The following KIF16B variants were observed in gnomAD, a reference collection of about 807,000 sequenced individuals.
KIF16B encodes the protein kinesin family member 16B, also known as kinesin-like protein KIF16B.
Under a neutral mutation model 156.3 loss-of-function variants are expected in KIF16B, and 98 were observed. The observed-to-expected ratio is 0.63, with a 90% CI of 0.53 to 0.74. The LOEUF is 0.74. Among genes scored for constraint, KIF16B ranks in the 30% least tolerant of loss-of-function variants. KIF16B has a pLI of 0.00. For synonymous variants in KIF16B, 564 were observed against 583.7 expected (o/e 0.97, Z 0.49); for missense variants, 1,421 against 1,606.5 (o/e 0.88, Z 1.97).
At chr20:16,500,799 T>G (rs1383425230) in intron 10 of KIF16B, among the ~76,000 whole-genome samples, 3 of 152,202 alleles carry the variant, frequency 2.0e-5, no homozygotes, top group Admixed American at 6.5e-5. Flanking sequence ...AGTTTACACA[T>G]GATACTTTTA....
intron 25 of KIF16B, among the ~76,000 whole-genome samples, chr20:16,294,015 G>A (rs994790946): frequency 6.6e-6 from 1 of 151,350 alleles, no homozygotes; most frequent in African/African-American, 2.4e-5. Flanking sequence ...ATATAGGAAT[G>A]CAATTTTAGT....
chr20:16,488,669 G>A (rs1041448682), intron 12 of KIF16B, among the ~76,000 whole-genome samples: 1 of 152,214 alleles, frequency 6.6e-6, no homozygotes, highest in African/African-American at 2.4e-5. Context: ...CAGGCAGTCA[G>A]CACAATATTG....
intron 17 of KIF16B, among the ~76,000 whole-genome samples, chr20:16,401,988 C>A (rs917968515): frequency 6.6e-6 from 1 of 152,158 alleles, no homozygotes; most frequent in Admixed American, 6.5e-5. Context: ...AAAAAACAGT[C>A]AAACCCCTTC....
Position 16,379,077 on chromosome 20 carries a change from G to A in KIF16B, c.2925C>T (p.Phe975=). The change falls in exon 19 of 26, where the codon TTC becomes TTT. Residue 975 remains phenylalanine (F), a synonymous_variant. Transcript: ENST00000354981. ...QLQKLQATFE[F]TANIARQEEK... ...CCTCCTGACGTGCAATGTTGGCAGT[G>A]AATTCAAAGGTGGCTTGGAGCTTTT... is the stretch of plus-strand genomic sequence containing the variant. 1 of 1,611,612 alleles carries A rather than the reference G, an allele frequency of 6.2e-7. No homozygotes were observed. The highest frequency in any genetic ancestry group is 8.5e-7 in the Non-Finnish European group (1 of 1,178,394).
intron 17 of KIF16B, among the ~76,000 whole-genome samples, chr20:16,401,059 C>T (rs2065643379): frequency 6.6e-6 from 1 of 150,928 alleles, no homozygotes; most frequent in Admixed American, 6.6e-5. Flanking sequence ...CAGCAGGTGG[C>T]AAGTTGCAGG....
intron 25 of KIF16B, among the ~76,000 whole-genome samples, chr20:16,280,365 T>C (rs2063126257): frequency 6.6e-6 from 1 of 152,042 alleles, no homozygotes; most frequent in African/African-American, 2.4e-5. Context: ...GACCAGGGGA[T>C]GGAGGGAAGG....
chr20:16,558,944 T>C (rs570608674), intron 1 of KIF16B, among the ~76,000 whole-genome samples: 1 of 150,286 alleles, frequency 6.7e-6, no homozygotes, highest in Non-Finnish European at 1.5e-5. Context: ...AAATTTGTTA[T>C]GGAAGCTAGC....
chr20:16,488,089 G>A lies in KIF16B; in HGVS notation c.1302+6202C>T, dbSNP rs553391308. Among the ~76,000 whole-genome samples, 3 of 152,270 alleles carry A rather than the reference G, an allele frequency of 2.0e-5. No homozygotes were observed. The South Asian group carries it at 6.2e-4, about 32-fold the overall frequency. ...CACCACAGTCAAAAGCCCTGTGCAG[G>A]CAATGAAAACACCAAAGCCAGCCGG... is the stretch of plus-strand genomic sequence containing the variant. On this transcript the variant is annotated intron_variant, in intron 12 of 25. Transcript: ENST00000354981.
At chr20:16,406,309 GACC>G in intron 16 of KIF16B, 62 bp downstream of exon 16, 1 of 1,369,448 alleles carries the variant, frequency 7.3e-7, no homozygotes, top group Non-Finnish European at 1.0e-6. Context: ...GAACCAGAGT[GACC>G]ACCACCCACT....
chr20:16,470,611 G>A (rs2067634609), intron 12 of KIF16B, among the ~76,000 whole-genome samples: 1 of 151,708 alleles, frequency 6.6e-6, no homozygotes. Flanking sequence ...AGCCTCCTGA[G>A]CAGCTGGAAC....
intron 22 of KIF16B, among the ~76,000 whole-genome samples, chr20:16,363,632 G>A (rs1435556144): frequency 1.3e-5 from 2 of 152,108 alleles, no homozygotes; most frequent in Admixed American, 1.3e-4. Flanking sequence ...GCAGACACAG[G>A]CAAAGGCTTG....
chr20:16,338,325 C>G (rs554752767), intron 23 of KIF16B, among the ~76,000 whole-genome samples: 10 of 152,292 alleles, frequency 6.6e-5, no homozygotes, highest in South Asian at 4.1e-4. Context: ...TCTCTGAACT[C>G]TCTACTCTGT....
chr20:16,427,726 G>C (rs1229067112), intron 14 of KIF16B, among the ~76,000 whole-genome samples: 1 of 152,062 alleles, frequency 6.6e-6, no homozygotes, highest in Non-Finnish European at 1.5e-5. Flanking sequence ...GGCATGACAT[G>C]AATCTTGAAA....
intron 23 of KIF16B, among the ~76,000 whole-genome samples, chr20:16,355,026 G>GT (rs60329513): frequency 0.12 from 17,603 of 147,046 alleles, 1,156 homozygotes; most frequent in African/African-American, 0.16. Context: ...CTGATGCCCT[G>GT]TTTTTTTTTT....
At chr20:16,285,885 C>G (rs76637318) in intron 25 of KIF16B, among the ~76,000 whole-genome samples, 347 of 152,274 alleles carry the variant, frequency 2.3e-3, no homozygotes, top group Non-Finnish European at 3.6e-3. Context: ...GCCTCCATTT[C>G]AACTTACACA....
chr20:16,354,801 C>T (rs887175371), intron 23 of KIF16B, among the ~76,000 whole-genome samples: 1 of 152,112 alleles, frequency 6.6e-6, no homozygotes, highest in Non-Finnish European at 1.5e-5. Context: ...AAAAAGTCAG[C>T]CGGACGTGGT....
intron 12 of KIF16B, among the ~76,000 whole-genome samples, chr20:16,439,865 C>A (rs1336365665): frequency 6.6e-6 from 1 of 152,146 alleles, no homozygotes. Context: ...ACAGGAAAGA[C>A]CTGCCCCCGT....
intron 17 of KIF16B, among the ~76,000 whole-genome samples, chr20:16,385,286 G>T (rs1461275290): frequency 6.6e-6 from 1 of 152,126 alleles, no homozygotes; most frequent in Non-Finnish European, 1.5e-5. Flanking sequence ...GGATAAAGAA[G>T]TGAAGCTCTC....
chr20:16,339,173 C>T lies in KIF16B; in HGVS notation c.3622-3158G>A, dbSNP rs183910218. 7.8e-4 allele frequency among the ~76,000 whole-genome samples: 118 copies of T among 152,252 alleles called. 3 individuals are homozygous for T. Among genetic ancestry groups the T allele is most frequent in the Non-Finnish European group, 8.1e-4 (55 of 68,014 alleles). On this transcript the variant is annotated intron_variant, in intron 23 of 25. Coordinates refer to ENST00000354981, the MANE Select transcript of KIF16B (RefSeq NM_024704.5). ...TTTCAGAAATCTACTCACCATTCCA[C>T]CCAGACTACTCTTACCAAGGTTAGC...
Sources: gnomAD v4.1 joint callset for allele counts (sites outside exome capture counted in the v4.1 genomes callset) on GRCh38, gnomAD v4.1.1 for gene constraint, MANE v1.5 for transcripts, NCBI Gene and HGNC (gene_info 2026-07-23, HGNC 2026-07-21) for gene names.